CATIP: variants seen among roughly 807,000 people sequenced by gnomAD.
CATIP encodes the protein ciliogenesis associated TTC17 interacting protein, also known as ciliogenesis-associated TTC17-interacting protein.
A neutral mutation model predicts 42.5 loss-of-function variants in CATIP; 40 were observed. The observed-to-expected ratio is 0.94, with a 90% CI of 0.73 to 1.22. The LOEUF (loss-of-function observed/expected upper bound fraction) is 1.22, where lower values mean the gene tolerates loss of function less well. Ranked by LOEUF, CATIP falls within the 50% of genes most tolerant of loss-of-function variation. The pLI, the probability that CATIP is intolerant of heterozygous loss-of-function variation, is 0.00. For synonymous variants in CATIP, 222 were observed against 200.2 expected (o/e 1.11, Z -0.92); for missense variants, 489 against 496.0 (o/e 0.99, Z 0.13).
chr2:218,367,782 A>T lies in CATIP; in HGVS notation c.982A>T (p.Ile328Phe). 6.2e-7 allele frequency: 1 copy of T among 1,612,214 alleles called. No homozygotes were observed. Among genetic ancestry groups the T allele is most frequent in the South Asian group, 1.1e-5 (1 of 91,072 alleles). ...GCAGCACCCCGAAGCCCACGCGCTC[A>T]TCTCCGACTTCCTGCTCTTCCTGCT... ...LRQHPEAHAL[I>F]SDFLLFLLLR... Residue 328 changes from isoleucine to phenylalanine, a missense_variant, in exon 10 of 10, where the codon ATC (isoleucine) becomes TTC (phenylalanine). Transcript: ENST00000289388.
intron 7 of CATIP, chr2:218,366,181 G>A (rs1695430550): frequency 6.6e-6 from 1 of 150,864 alleles, no homozygotes; most frequent in Non-Finnish European, 1.5e-5. Flanking sequence ...TGGAGTACAG[G>A]GATGCAATCT....
At position 218,362,907 on chromosome 2, in the gene CATIP, G is replaced by A; in HGVS notation, c.630+5G>A. ...AAACTCTGCTATTTGACCTATGTAA[G>A]GGGTCCCCTTGGGCAGGGGACTTGG... is the stretch of plus-strand genomic sequence containing the variant. On this transcript the variant is annotated splice_donor_5th_base_variant and intron_variant, in intron 6 of 9. Transcript: ENST00000289388. 1 of 1,608,978 alleles carries A rather than the reference G, an allele frequency of 6.2e-7. No homozygotes were observed. The highest frequency in any genetic ancestry group is 8.5e-7 in the Non-Finnish European group (1 of 1,176,744).
intron 1 of CATIP, 23 bp downstream of exon 1, chr2:218,356,932 T>G: frequency 1.2e-6 from 2 of 1,613,474 alleles, no homozygotes; most frequent in Non-Finnish European, 1.7e-6. Flanking sequence ...CTGCTGGGGC[T>G]GGAGGCGGGG....
chr2:218,360,687 C>T (rs1318145191), intron 5 of CATIP, 28 bp downstream of exon 5: 10 of 1,522,110 alleles, frequency 6.6e-6, no homozygotes, highest in African/African-American at 1.4e-5. Context: ...ATGGGAGTTG[C>T]ACTACACACT....
In CATIP at chr2:218,357,747, C is replaced by T. The variant is rs568366738; in HGVS notation, c.319+13C>T. On this transcript the variant is annotated intron_variant, in intron 3 of 9. Coordinates refer to ENST00000289388, the MANE Select transcript of CATIP (RefSeq NM_198559.2). Reference sequence around the variant, plus strand: ...AATTCCCTCCTGGGTAGCGTTCCTACTGCCTGATGCCCGTCACTCTCCCCT... The same window carrying T: ...AATTCCCTCCTGGGTAGCGTTCCTATTGCCTGATGCCCGTCACTCTCCCCT... 13 of 1,608,606 alleles carry T rather than the reference C, an allele frequency of 8.1e-6. No homozygotes were observed. The highest frequency in any genetic ancestry group is 4.0e-5 in the African/African-American group (3 of 74,990).
In CATIP at chr2:218,368,046, C is replaced by T. The variant is rs1236943202; in HGVS notation, c.*82C>T. On this transcript the variant is annotated 3_prime_UTR_variant, in exon 10 of 10. Transcript: ENST00000289388. Reference sequence around the variant, plus strand: ...GGACGCGCCGGGGCGGGTGCGCTTTCCGGGCTGCGGTTTTGGGGGAATAAA... The same window carrying T: ...GGACGCGCCGGGGCGGGTGCGCTTTTCGGGCTGCGGTTTTGGGGGAATAAA... 3 of 1,421,650 alleles carry T rather than the reference C, an allele frequency of 2.1e-6. No homozygotes were observed. The African/African-American group carries it at 4.5e-5, about 21-fold the overall frequency. The allele number at this position is 1,421,650 out of a possible 1,614,324, so 88.1% of individuals were successfully genotyped here.
At position 218,357,556 on chromosome 2, in the gene CATIP, G is replaced by A; in HGVS notation, c.141G>A (p.Leu47=). 1 of 1,613,952 alleles carries A rather than the reference G, an allele frequency of 6.2e-7. No individual in the cohort carries two copies. ...CAGACAAGGAGGAGCTACAGATGCTGTTCTTCTCTGAGACGCTGGCCATGG... is the reference window on the plus strand; with the variant it reads ...CAGACAAGGAGGAGCTACAGATGCTATTCTTCTCTGAGACGCTGGCCATGG... The part of the protein sequence containing the change: ...SSLHKEELQM[L]FFSETLAMVS... The change falls in exon 3 of 10, where the codon CTG becomes CTA. Residue 47 remains leucine (L), a synonymous_variant. Transcript: ENST00000289388.
chr2:218,357,013 G>A, intron 1 of CATIP, 82 bp from the exon 2 acceptor site: 22 of 1,572,434 alleles, frequency 1.4e-5, no homozygotes, highest in Non-Finnish European at 1.8e-5. Context: ...GCTGGGGCCA[G>A]GACTGAGGTA....
chr2:218,366,980 G>A (rs374106256), intron 7 of CATIP, 44 bp from the exon 8 acceptor site: 44 of 1,432,620 alleles, frequency 3.1e-5, no homozygotes, highest in South Asian at 4.6e-5. Flanking sequence ...CATAGCAGGC[G>A]GTCTGGGAAG....
chr2:218,360,251 A>T (rs1695188249), intron 4 of CATIP, among the ~76,000 whole-genome samples: 1 of 152,082 alleles, frequency 6.6e-6, no homozygotes, highest in South Asian at 2.1e-4. Context: ...CTCCGGGTTC[A>T]AGCAATTCTT....
At chr2:218,360,503 G>A (rs1433828370) in intron 4 of CATIP, 70 bp from the exon 5 acceptor site, 2 of 1,183,352 alleles carry the variant, frequency 1.7e-6, no homozygotes, top group East Asian at 4.7e-5. Context: ...CTCATTAATG[G>A]AGAAGGGTCA....
chr2:218,368,018 G>C lies in CATIP; in HGVS notation c.*54G>C, dbSNP rs975709873. On this transcript the variant is annotated 3_prime_UTR_variant, in exon 10 of 10. Transcript: ENST00000289388. Reference sequence around the variant, plus strand: ...AACCAGGGGTCGGGCTGGGACGCGGGCGGGACGCGCCGGGGCGGGTGCGCT... The same window carrying C: ...AACCAGGGGTCGGGCTGGGACGCGGCCGGGACGCGCCGGGGCGGGTGCGCT... 33 of 1,454,482 alleles carry C rather than the reference G, an allele frequency of 2.3e-5. No homozygotes were observed. The highest frequency in any genetic ancestry group is 3.0e-5 in the Non-Finnish European group (33 of 1,110,528). The allele number at this position is 1,454,482 out of a possible 1,614,324, so 90.1% of individuals were successfully genotyped here. A position where few individuals can be genotyped will look rare whatever the true frequency, so the allele number is the denominator to read the frequency against.
Position 218,357,206 on chromosome 2 carries a change from G to C in CATIP, c.118+19G>C, listed in dbSNP as rs201563014. ...TCCCTCCGTGAGCTCAGACAGTGTC[G>C]GGGTTGGGGGTGCGGGAGGGGTGCA... On this transcript the variant is annotated intron_variant, in intron 2 of 9. Coordinates refer to ENST00000289388, the MANE Select transcript of CATIP (RefSeq NM_198559.2). 1,016 of 1,591,778 alleles carry C rather than the reference G, an allele frequency of 6.4e-4. 11 individuals are homozygous for C. The African/African-American group carries it at 0.012, about 19-fold the overall frequency.
intron 4 of CATIP, among the ~76,000 whole-genome samples, chr2:218,358,717 G>A (rs1695125029): frequency 6.6e-6 from 1 of 151,702 alleles, no homozygotes; most frequent in Admixed American, 6.6e-5. Flanking sequence ...TATAAATTTT[G>A]TACAAAAAAT....
At position 218,362,799 on chromosome 2, in the gene CATIP, C is replaced by A; in HGVS notation, c.527C>A (p.Ala176Asp). 1 of 1,614,136 alleles carries A rather than the reference C, an allele frequency of 6.2e-7. No individual in the cohort carries two copies. The highest frequency in any genetic ancestry group is 1.3e-5 in the African/African-American group (1 of 75,050). Residue 176 changes from alanine to aspartate, a missense_variant, in exon 6 of 10, where the codon GCC (alanine) becomes GAC (aspartate). Coordinates refer to ENST00000289388, the MANE Select transcript of CATIP (RefSeq NM_198559.2). The part of the protein sequence containing the change: ...SSIKGFISEA[A>D]NLVLLRVMAW... ...ATCAAGGGCTTCATCTCAGAGGCTG[C>A]CAACCTGGTGCTGCTCAGGGTGATG...
At chr2:218,358,523 T>C (rs1695117570) in intron 4 of CATIP, among the ~76,000 whole-genome samples, 1 of 151,860 alleles carries the variant, frequency 6.6e-6, no homozygotes, top group Non-Finnish European at 1.5e-5. Context: ...ATCGCGCCAC[T>C]GCACTCCAGC....
Position 218,362,851 on chromosome 2 carries a change from T to A in CATIP, c.579T>A (p.Asn193Lys), listed in dbSNP as rs777580747. The stretch of plus-strand genomic sequence containing the variant: ...CCTGGCGGCGGATGGTGCCCAGCAA[T>A]GCCCGCTTCCTGACCTTGGACACCG... ...VMAWRRMVPS[N>K]ARFLTLDTEG... Residue 193 changes from asparagine (N) to lysine (K), a missense_variant, in exon 6 of 10, where the codon AAT becomes AAA. By Grantham distance (94) the Asn-to-Lys change is moderately conservative. Coordinates refer to ENST00000289388, the MANE Select transcript of CATIP (RefSeq NM_198559.2). 2 of 1,614,030 alleles carry A rather than the reference T, an allele frequency of 1.2e-6. No individual in the cohort carries two copies. The highest frequency in any genetic ancestry group is 1.7e-6 in the Non-Finnish European group (2 of 1,180,004).
At chr2:218,362,222 G>C (rs1291286695) in intron 5 of CATIP, among the ~76,000 whole-genome samples, 1 of 151,744 alleles carries the variant, frequency 6.6e-6, no homozygotes, top group Admixed American at 6.6e-5. Flanking sequence ...GCGTAGTGTC[G>C]TGAGCCTGTA....
At chr2:218,362,940 G>C (rs760828866) in intron 6 of CATIP, 38 bp downstream of exon 6, 13 of 1,580,742 alleles carry the variant, frequency 8.2e-6, no homozygotes, top group Non-Finnish European at 1.1e-5. Flanking sequence ...TGGCTTGGGA[G>C]CGAACTAGAA....
Sources: allele counts gnomAD v4.1 joint callset (sites outside exome capture counted in the v4.1 genomes callset), GRCh38; gene constraint gnomAD v4.1.1; transcripts MANE v1.5; gene names NCBI Gene and HGNC (gene_info 2026-07-23, HGNC 2026-07-21).